The following LRP1B variants were observed in gnomAD, a reference collection of about 807,000 sequenced individuals.
LRP1B encodes the protein low-density lipoprotein receptor-related protein 1B.
In LRP1B, 217 loss-of-function variants were observed where a neutral mutation model predicts 556.6. That is an observed-to-expected ratio of 0.39 (90% CI 0.35 to 0.44). LRP1B has a LOEUF of 0.44. Among genes scored for constraint, LRP1B ranks in the 20% least tolerant of loss-of-function variants. The probability of loss-of-function intolerance (pLI) is 1.00; values close to 1 mark genes in which losing one functional copy is unlikely to be tolerated. For synonymous variants in LRP1B, 2,047 were observed against 1,865.8 expected, an observed-to-expected ratio of 1.10 and a Z score of -2.50; for missense variants, 5,053 against 5,620.8, an observed-to-expected ratio of 0.90 and a Z score of 3.23.
At chr2:140,658,104 C>A (rs568093597) in intron 41 of LRP1B, among the ~76,000 whole-genome samples, 1 of 152,120 alleles carries the variant, frequency 6.6e-6, no homozygotes, top group Non-Finnish European at 1.5e-5. Flanking sequence ...TATACTTAAA[C>A]CCATACTATT....
chr2:140,716,578 C>T, intron 36 of LRP1B, 104 bp downstream of exon 36: 1 of 1,173,310 alleles, frequency 8.5e-7, no homozygotes, highest in Non-Finnish European at 1.2e-6. Context: ...GCTAGAAGTA[C>T]AAATAAAAGC....
chr2:140,328,228 G>A (rs1680598912), intron 79 of LRP1B, among the ~76,000 whole-genome samples: 2 of 151,906 alleles, frequency 1.3e-5, no homozygotes, highest in Admixed American at 6.6e-5. Flanking sequence ...GAAATAAAAT[G>A]TCATACTTGT....
intron 6 of LRP1B, among the ~76,000 whole-genome samples, chr2:141,209,615 C>A (rs1419530941): frequency 2.0e-5 from 3 of 152,114 alleles, no homozygotes; most frequent in African/African-American, 4.8e-5. Context: ...ATATAACATG[C>A]AAAATTTCAC....
chr2:141,655,926 AC>A (rs1259600443), intron 2 of LRP1B, among the ~76,000 whole-genome samples: 14 of 152,294 alleles, frequency 9.2e-5, no homozygotes, highest in African/African-American at 2.9e-4. Context: ...CATTAAAAAA[AC>A]ATTTTTTGAT....
At chr2:141,533,272 C>T (rs1018397171) in intron 2 of LRP1B, among the ~76,000 whole-genome samples, 6 of 152,096 alleles carry the variant, frequency 3.9e-5, no homozygotes, top group East Asian at 1.9e-4. Context: ...AATTCATTAG[C>T]GTATGAAATG....
chr2:140,240,531 A>C (rs901886066), intron 87 of LRP1B, among the ~76,000 whole-genome samples: 6 of 146,294 alleles, frequency 4.1e-5, no homozygotes, highest in Non-Finnish European at 7.7e-5. Flanking sequence ...CCCAAATATC[A>C]CTTATTATAA....
At chr2:141,118,272 G>T (rs375507233) in intron 7 of LRP1B, among the ~76,000 whole-genome samples, 2 of 151,700 alleles carry the variant, frequency 1.3e-5, no homozygotes, top group African/African-American at 4.8e-5. Flanking sequence ...AACTCTTCTT[G>T]ATTTTTGTTT....
At chr2:140,882,221 AT>A (rs949978269) in intron 25 of LRP1B, among the ~76,000 whole-genome samples, 41 of 152,286 alleles carry the variant, frequency 2.7e-4, no homozygotes, top group African/African-American at 9.6e-4. Context: ...GGTACTGGAG[AT>A]AAGGCCCTAG....
intron 71 of LRP1B, among the ~76,000 whole-genome samples, chr2:140,365,790 T>C (rs1682735032): frequency 6.6e-6 from 1 of 151,636 alleles, no homozygotes; most frequent in Non-Finnish European, 1.5e-5. Flanking sequence ...AATTCATGGG[T>C]TGTCTAGATT....
At chr2:141,157,268 TA>T in intron 7 of LRP1B, among the ~76,000 whole-genome samples, 1 of 152,048 alleles carries the variant, frequency 6.6e-6, no homozygotes, top group Non-Finnish European at 1.5e-5. Context: ...ATTAATAACA[TA>T]TGAACAGGTT....
At chr2:141,456,642 T>C (rs1281386165) in intron 3 of LRP1B, among the ~76,000 whole-genome samples, 1 of 152,132 alleles carries the variant, frequency 6.6e-6, no homozygotes, top group Non-Finnish European at 1.5e-5. Flanking sequence ...AGATATGAAA[T>C]GAAAATATTA....
chr2:141,784,198 C>A (rs1327220835), intron 2 of LRP1B, among the ~76,000 whole-genome samples: 1 of 151,810 alleles, frequency 6.6e-6, no homozygotes, highest in African/African-American at 2.4e-5. Context: ...TATCTGCTAC[C>A]TTTTTTCCCC....
chr2:140,483,893 G>A (rs972747150), intron 59 of LRP1B, among the ~76,000 whole-genome samples: 3 of 151,572 alleles, frequency 2.0e-5, no homozygotes, highest in African/African-American at 7.3e-5. Flanking sequence ...CATCCGCCTC[G>A]GCGCCCAAAG....
At chr2:140,275,317 C>T (rs1020292875) in intron 84 of LRP1B, among the ~76,000 whole-genome samples, 1 of 152,050 alleles carries the variant, frequency 6.6e-6, no homozygotes, top group African/African-American at 2.4e-5. Flanking sequence ...TCACTAGAAG[C>T]AGAGAGCTCT....
intron 65 of LRP1B, 57 bp from the exon 66 acceptor site, chr2:140,442,680 A>T: frequency 1.3e-6 from 2 of 1,561,318 alleles, no homozygotes; most frequent in Non-Finnish European, 1.7e-6. Flanking sequence ...TATTTATTAA[A>T]AGCAAATTTT....
intron 79 of LRP1B, among the ~76,000 whole-genome samples, chr2:140,329,476 G>A (rs922562265): frequency 6.6e-6 from 1 of 151,992 alleles, no homozygotes; most frequent in Admixed American, 6.6e-5. Flanking sequence ...CAGATGACGT[G>A]TTCCTATATC....
chr2:142,122,007 T>C (rs1707473303), intron 1 of LRP1B, among the ~76,000 whole-genome samples: 1 of 152,156 alleles, frequency 6.6e-6, no homozygotes, highest in South Asian at 2.1e-4. Context: ...ATAATAGGTA[T>C]TTATGTAATG....
At chr2:141,954,856 T>C (rs1011766341) in intron 1 of LRP1B, among the ~76,000 whole-genome samples, 2 of 152,118 alleles carry the variant, frequency 1.3e-5, no homozygotes, top group Admixed American at 1.3e-4. Context: ...CAGAGGACCT[T>C]TCTTATGACA....
At chr2:141,345,126 G>GA (rs34681232) in intron 3 of LRP1B, among the ~76,000 whole-genome samples, 90,646 of 150,916 alleles carry the variant, frequency 0.6, 28,222 homozygotes, top group African/African-American at 0.71. Context: ...AATGATGGAA[G>GA]AGGCCATAGT....
Sources: allele counts gnomAD v4.1 joint callset (sites outside exome capture counted in the v4.1 genomes callset), GRCh38; gene constraint gnomAD v4.1.1; transcripts MANE v1.5; gene names NCBI Gene and HGNC (gene_info 2026-07-23, HGNC 2026-07-21).